Variants in CLIP3 observed in about 807,000 individuals in gnomAD.
CLIP3 encodes CAP-Gly domain-containing linker protein 3.
In CLIP3, 15 loss-of-function variants were observed where a neutral mutation model predicts 59.4. The ratio of observed to expected loss-of-function variants is 0.25; its 90% CI spans 0.17 to 0.39. The LOEUF is 0.39. CLIP3 is among the 10% of genes least tolerant of loss of function. The pLI, the probability that CLIP3 is intolerant of heterozygous loss-of-function variation, is 1.00. For synonymous variants in CLIP3, 300 were observed against 321.6 expected (o/e 0.93, Z 0.72); for missense variants, 495 against 765.7 (o/e 0.65, Z 4.17).
At chr19:36,019,389 G>A (rs1037666706) in intron 7 of CLIP3, 83 bp from the exon 8 acceptor site, 1 of 1,528,056 alleles carries the variant, frequency 6.5e-7, no homozygotes, top group African/African-American at 1.4e-5. Flanking sequence ...AGCAAGGTGG[G>A]TTGCATGAGG....
chr19:36,017,141 A>G (rs1181076790), intron 12 of CLIP3, among the ~76,000 whole-genome samples, 162 bp from the exon 13 acceptor site: 1 of 151,930 alleles, frequency 6.6e-6, no homozygotes, highest in Non-Finnish European at 1.5e-5. Context: ...AATTCCCACC[A>G]TGTCCCCCAG....
At chr19:36,025,818 G>A (rs888095164) in intron 6 of CLIP3, among the ~76,000 whole-genome samples, 1 of 152,236 alleles carries the variant, frequency 6.6e-6, no homozygotes, top group Admixed American at 6.5e-5. Context: ...GCTTAGGAGA[G>A]GACCAACCCT....
chr19:36,016,744 C>T lies in CLIP3; in HGVS notation c.1589+163G>A. On this transcript the variant is annotated intron_variant, in intron 13 of 13. Coordinates refer to ENST00000360535, the MANE Select transcript of CLIP3 (RefSeq NM_015526.3). This position sits in a 1 kb window ranked among gnomAD's most constrained non-coding sequence, Gnocchi z 4.1. The stretch of plus-strand genomic sequence containing the variant: ...GAATTCACTAGAATTCAGTGCGGGG[C>T]CCTACACCCTAAAGACTGTTTCTGG... 2 of 700,208 alleles carry T rather than the reference C, an allele frequency of 2.9e-6. No individual in the cohort carries two copies. The highest frequency in any genetic ancestry group is 3.6e-5 in the South Asian group (2 of 55,618). 43.4% of individuals were successfully genotyped at this position (700,208 alleles called of 1,614,324 possible).
At position 36,026,886 on chromosome 19, in the gene CLIP3, T is replaced by A. The variant is rs1969128602; in HGVS notation, c.400+66A>T. On this transcript the variant is annotated intron_variant, in intron 4 of 13. Transcript: ENST00000360535. The surrounding 1 kb of genome is among the most constrained non-coding windows in gnomAD (Gnocchi z 6.3). ...AGATGGGGCCTGAGTTCTGGGTGGT[T>A]TTCAGCGTGTTGGGTCTGGGGGCCT... 7.9e-6 allele frequency: 12 copies of A among 1,524,208 alleles called. No homozygotes were observed. The South Asian group carries it at 1.5e-4, about 19-fold the overall frequency. The allele number at this position is 1,524,208 out of a possible 1,614,324, so 94.4% of individuals were successfully genotyped here. A position where few individuals can be genotyped will look rare whatever the true frequency, so the allele number is the denominator to read the frequency against.
At chr19:36,019,849 C>A (rs568472544) in intron 7 of CLIP3, among the ~76,000 whole-genome samples, 2 of 151,736 alleles carry the variant, frequency 1.3e-5, no homozygotes, top group Non-Finnish European at 2.9e-5. Context: ...GTGATCCACC[C>A]GCCTCGGCCT....
intron 7 of CLIP3, among the ~76,000 whole-genome samples, chr19:36,019,605 TTA>T (rs1477490485): frequency 0.082 from 11,993 of 145,754 alleles, 736 homozygotes; most frequent in Admixed American, 0.19. Flanking sequence ...TTTATTTTAT[TTA>T]TTTTTTTTTT....
intron 11 of CLIP3, 67 bp from the exon 12 acceptor site, chr19:36,017,517 C>A: frequency 6.2e-7 from 1 of 1,603,652 alleles, no homozygotes; most frequent in Admixed American, 1.7e-5. Flanking sequence ...GAGAGCTGGG[C>A]CCCAGGGATC....
Position 36,015,760 on chromosome 19 carries a change from G to A in CLIP3, c.*398C>T. On this transcript the variant is annotated 3_prime_UTR_variant, in exon 14 of 14. Transcript: ENST00000360535. Reference sequence around the variant, plus strand: ...GGTGTGACCTATGTTTATTTCAAGAGGACTTAAGGGGCAGTGTTTGTTAAT... The same window carrying A: ...GGTGTGACCTATGTTTATTTCAAGAAGACTTAAGGGGCAGTGTTTGTTAAT... 4.4e-6 allele frequency: 1 copy of A among 229,132 alleles called. No individual in the cohort carries two copies. The highest frequency in any genetic ancestry group is 8.8e-6 in the Non-Finnish European group (1 of 113,058). 14.2% of individuals were successfully genotyped at this position (229,132 alleles called of 1,614,324 possible). A position where few individuals can be genotyped will look rare whatever the true frequency, so the allele number is the denominator to read the frequency against.
chr19:36,023,229 CCT>C (rs963937850), intron 7 of CLIP3, among the ~76,000 whole-genome samples: 22 of 152,152 alleles, frequency 1.4e-4, no homozygotes, highest in Non-Finnish European at 3.2e-4. Context: ...ACAGCAAGAC[CCT>C]GTCTCAAAAA....
chr19:36,022,948 G>A (rs923976679), intron 7 of CLIP3, among the ~76,000 whole-genome samples: 1 of 152,106 alleles, frequency 6.6e-6, no homozygotes, highest in Non-Finnish European at 1.5e-5. Context: ...CCAGCTACTC[G>A]GGAGGCTGAG....
chr19:36,024,902 C>G lies in CLIP3; in HGVS notation c.682-270G>C, dbSNP rs59714194. On this transcript the variant is annotated intron_variant, in intron 6 of 13. Transcript: ENST00000360535. The stretch of plus-strand genomic sequence containing the variant: ...CCAACATGGTGAAACCTCGTCTGTA[C>G]TAAAAATACAAAAATTAGCCGGGTG... Among the ~76,000 whole-genome samples, 1,887 of 152,108 alleles carry G rather than the reference C, an allele frequency of 0.012. 46 individuals are homozygous for G. Among genetic ancestry groups the G allele is most frequent in the African/African-American group, 0.041 (1,717 of 41,472 alleles).
At position 36,021,025 on chromosome 19, in the gene CLIP3, AAAC is replaced by A. The variant is rs778093350; in HGVS notation, c.919-1722_919-1720del. ...AACGCCACCAAAGCCTGGCTAATTA[AAAC>A]AACAACAACAACAACAAACTTTTGT... On this transcript the variant is annotated intron_variant, in intron 7 of 13. Transcript: ENST00000360535. Among the ~76,000 whole-genome samples the A allele has an allele frequency of 2.7e-3, 407 of 151,890 alleles. 5 individuals are homozygous for A. Among genetic ancestry groups the A allele is most frequent in the Admixed American group, 0.022 (340 of 15,228 alleles).
rs889810291 is a variant in CLIP3 at position 36,016,644 on chromosome 19, G to A, written c.1589+263C>T. 3.3e-5 allele frequency among the ~76,000 whole-genome samples: 5 copies of A among 152,196 alleles called. No homozygotes were observed. The highest frequency in any genetic ancestry group is 6.5e-5 in the Admixed American group (1 of 15,280). ...ATTAAAGGCATGAGCCACCCCGCCC[G>A]GTCTCTAGCTGTTGTTCTGAGGCTC... is the stretch of plus-strand genomic sequence containing the variant. On this transcript the variant is annotated intron_variant, in intron 13 of 13. Transcript: ENST00000360535. This position sits in a 1 kb window ranked among gnomAD's most constrained non-coding sequence, Gnocchi z 4.1.
rs1264215908 is a variant in CLIP3, at chr19:36,016,102, CG to C, written c.*55del. 3.2e-5 allele frequency: 51 copies of C among 1,586,910 alleles called. No individual in the cohort carries two copies. Among genetic ancestry groups the C allele is most frequent in the Non-Finnish European group, 4.2e-5 (49 of 1,156,830 alleles). On this transcript the variant is annotated 3_prime_UTR_variant, in exon 14 of 14. Coordinates refer to ENST00000360535, the MANE Select transcript of CLIP3 (RefSeq NM_015526.3). This position sits in a 1 kb window ranked among gnomAD's most constrained non-coding sequence, Gnocchi z 4.1. ...TATCTCAGGGTGACTCAGGGCTCCTCGGGTGTCAGGAGATGCTAGTGGGGAC... is the reference window on the plus strand; with the variant it reads ...TATCTCAGGGTGACTCAGGGCTCCTCGGTGTCAGGAGATGCTAGTGGGGAC...
intron 7 of CLIP3, among the ~76,000 whole-genome samples, chr19:36,020,189 G>T (rs1333643191): frequency 6.6e-6 from 1 of 151,664 alleles, no homozygotes; most frequent in Non-Finnish European, 1.5e-5. Context: ...GAGTTCAAGG[G>T]TGCAGTGAGC....
intron 2 of CLIP3, among the ~76,000 whole-genome samples, chr19:36,029,745 G>A: frequency 6.6e-6 from 1 of 152,064 alleles, no homozygotes; most frequent in Non-Finnish European, 1.5e-5. Context: ...GCCAGGCACA[G>A]CACATGGCAC....
intron 2 of CLIP3, among the ~76,000 whole-genome samples, chr19:36,029,655 C>T (rs543995732): frequency 6.6e-6 from 1 of 151,862 alleles, no homozygotes; most frequent in African/African-American, 2.4e-5. Flanking sequence ...TTTCTCCCTC[C>T]TTCATTTCCT....
intron 2 of CLIP3, among the ~76,000 whole-genome samples, chr19:36,030,995 CTTTTTTTCTTTTCTTT>C (rs1374686459): frequency 5.3e-5 from 6 of 113,342 alleles, no homozygotes; most frequent in South Asian, 2.7e-4. Flanking sequence ...TTTCTTTTTT[CTTTTTTTCTTTTCTTT>C]TTTTTTTTTT....
rs1968797204 is a variant in CLIP3 at position 36,016,269 on chromosome 19, C to A, written c.1590-57G>T. 6.3e-6 allele frequency: 10 copies of A among 1,584,564 alleles called. No individual in the cohort carries two copies. Among genetic ancestry groups the A allele is most frequent in the Admixed American group, 3.4e-5 (2 of 59,202 alleles). On this transcript the variant is annotated intron_variant, in intron 13 of 13. Coordinates refer to ENST00000360535, the MANE Select transcript of CLIP3 (RefSeq NM_015526.3). This position sits in a 1 kb window ranked among gnomAD's most constrained non-coding sequence, Gnocchi z 4.1. Reference sequence around the variant, plus strand: ...AGGCAGGCAGCGGGGACATCTGCACCCATCACCCCCAGCCTTTCCCCCAGT... The same window carrying A: ...AGGCAGGCAGCGGGGACATCTGCACACATCACCCCCAGCCTTTCCCCCAGT...
Sources: gnomAD v4.1 joint callset for allele counts (sites outside exome capture counted in the v4.1 genomes callset) on GRCh38, gnomAD v4.1.1 for gene constraint, Gnocchi (gnomAD v3.1) non-coding constraint, MANE v1.5 for transcripts, NCBI Gene and HGNC (gene_info 2026-07-23, HGNC 2026-07-21) for gene names.